MAP3K5: variants seen among roughly 807,000 people sequenced by gnomAD.
MAP3K5 encodes the protein mitogen-activated protein kinase kinase kinase 5.
A neutral mutation model predicts 158.7 loss-of-function variants in MAP3K5; 56 were observed. That is an observed-to-expected ratio of 0.35 (90% CI 0.28 to 0.44). The LOEUF (loss-of-function observed/expected upper bound fraction) is 0.44, where lower values mean the gene tolerates loss of function less well. Among genes scored for constraint, MAP3K5 ranks in the 20% least tolerant of loss-of-function variants. The pLI is 1.00. For missense variants in MAP3K5, 1,294 were observed against 1,674.8 expected, an observed-to-expected ratio of 0.77 and a Z score of 3.97; for synonymous variants, 579 against 601.7, an observed-to-expected ratio of 0.96 and a Z score of 0.55.
At chr6:136,704,983 C>A in intron 3 of MAP3K5, 127 bp downstream of exon 3, 1 of 529,816 alleles carries the variant, frequency 1.9e-6, no homozygotes, top group South Asian at 2.3e-5. Context: ...ATTGATACAT[C>A]AGAAAATCTA....
Position 136,701,843 on chromosome 6 carries a change from T to C in MAP3K5, c.613-3161A>G, listed in dbSNP as rs1360022473. The stretch of plus-strand genomic sequence containing the variant: ...AAAGTGGTATCAGAGTTTTAGCTGC[T>C]GGATAAAATTATGTAGCCTCAGAAA... On this transcript the variant is annotated intron_variant, in intron 3 of 29. Coordinates refer to ENST00000359015, the MANE Select transcript of MAP3K5 (RefSeq NM_005923.4). 2.6e-5 allele frequency among the ~76,000 whole-genome samples: 4 copies of C among 152,238 alleles called. No homozygotes were observed. In the East Asian group the frequency reaches 7.7e-4, roughly 29 times the overall value.
At chr6:136,703,021 T>C (rs1436937261) in intron 3 of MAP3K5, among the ~76,000 whole-genome samples, 3 of 152,124 alleles carry the variant, frequency 2.0e-5, no homozygotes, top group Non-Finnish European at 4.4e-5. Context: ...CACCGTTTTT[T>C]CTTTCTTTTT....
intron 7 of MAP3K5, among the ~76,000 whole-genome samples, chr6:136,684,951 C>T (rs933692475): frequency 4.6e-5 from 7 of 152,162 alleles, no homozygotes; most frequent in Non-Finnish European, 8.8e-5. Flanking sequence ...AAACCATTCA[C>T]TCTCTGTCTC....
chr6:136,757,430 T>G (rs979179501), intron 1 of MAP3K5, among the ~76,000 whole-genome samples: 1 of 152,204 alleles, frequency 6.6e-6, no homozygotes, highest in African/African-American at 2.4e-5. Context: ...ATTTATGAGC[T>G]GTCTGTCTAG....
intron 7 of MAP3K5, among the ~76,000 whole-genome samples, chr6:136,679,543 T>G (rs979042710): frequency 6.6e-6 from 1 of 152,240 alleles, no homozygotes; most frequent in African/African-American, 2.4e-5. Context: ...CCTGCTGCTG[T>G]GATCTGCTGG....
intron 10 of MAP3K5, among the ~76,000 whole-genome samples, chr6:136,653,854 C>T (rs1475256256): frequency 6.6e-6 from 1 of 152,114 alleles, no homozygotes; most frequent in Non-Finnish European, 1.5e-5. Context: ...AGAAGGACTA[C>T]AAAATTGTAC....
intron 1 of MAP3K5, among the ~76,000 whole-genome samples, chr6:136,728,213 G>A (rs906530200): frequency 3.9e-5 from 6 of 152,082 alleles, no homozygotes; most frequent in Admixed American, 6.5e-5. Flanking sequence ...GGTAGTCTGT[G>A]GGGTTTTTAA....
chr6:136,776,174 T>C (rs1203741598), intron 1 of MAP3K5, among the ~76,000 whole-genome samples: 1 of 152,264 alleles, frequency 6.6e-6, no homozygotes, highest in Non-Finnish European at 1.5e-5. Flanking sequence ...TCCAAGTGTA[T>C]ACACGATTCG....
chr6:136,561,211 T>C (rs1347029809), intron 28 of MAP3K5, among the ~76,000 whole-genome samples: 1 of 152,102 alleles, frequency 6.6e-6, no homozygotes, highest in Non-Finnish European at 1.5e-5. Flanking sequence ...TGAACATACA[T>C]ACAATTGGCC....
chr6:136,729,124 A>G (rs1321193961), intron 1 of MAP3K5, among the ~76,000 whole-genome samples: 1 of 152,200 alleles, frequency 6.6e-6, no homozygotes, highest in Non-Finnish European at 1.5e-5. Context: ...CATCCTTCGG[A>G]GGTGACCAGA....
chr6:136,700,057 G>C (rs1034970638), intron 3 of MAP3K5, among the ~76,000 whole-genome samples: 1 of 152,072 alleles, frequency 6.6e-6, no homozygotes, highest in Non-Finnish European at 1.5e-5. Flanking sequence ...CTGGGTGACA[G>C]AGCGAGACTC....
intron 14 of MAP3K5, among the ~76,000 whole-genome samples, chr6:136,632,131 G>A (rs576284187): frequency 9.8e-5 from 15 of 152,338 alleles, no homozygotes; most frequent in African/African-American, 3.4e-4. Context: ...AAGTGGAAAG[G>A]AGGCTGGCAC....
At chr6:136,694,453 T>TA in intron 6 of MAP3K5, 143 bp from the exon 7 acceptor site, 1 of 661,908 alleles carries the variant, frequency 1.5e-6, no homozygotes. Context: ...GAGTCCTCTG[T>TA]AAACCTCTGT....
intron 1 of MAP3K5, among the ~76,000 whole-genome samples, chr6:136,736,283 T>C (rs1163883684): frequency 1.3e-5 from 2 of 152,224 alleles, no homozygotes; most frequent in African/African-American, 4.8e-5. Context: ...AAAGAGGCCA[T>C]ACCCTTTCTT....
At chr6:136,783,883 T>C (rs187716539) in intron 1 of MAP3K5, among the ~76,000 whole-genome samples, 147 of 110,570 alleles carry the variant, frequency 1.3e-3, no homozygotes, top group Non-Finnish European at 2.8e-3. Context: ...GACTTGCACA[T>C]TTCCCGGACT....
At chr6:136,652,628 G>A (rs540545575) in intron 10 of MAP3K5, among the ~76,000 whole-genome samples, 31 of 152,158 alleles carry the variant, frequency 2.0e-4, no homozygotes, top group Non-Finnish European at 4.1e-4. Context: ...TGACAAGTGA[G>A]AATATACTCC....
intron 7 of MAP3K5, among the ~76,000 whole-genome samples, chr6:136,678,576 C>T (rs1006590491): frequency 6.6e-6 from 1 of 151,960 alleles, no homozygotes; most frequent in African/African-American, 2.4e-5. Flanking sequence ...TTGGGTAAGA[C>T]TTTAAGAAGG....
chr6:136,588,852 A>G lies in MAP3K5; in HGVS notation c.3225+3321T>C, dbSNP rs1035832591. On this transcript the variant is annotated intron_variant, in intron 23 of 29. Coordinates refer to ENST00000359015, the MANE Select transcript of MAP3K5 (RefSeq NM_005923.4). ...CTCATCCTCCCTGGACTCAGAGGCCAGCTACCCCTCACTCTAGAGCACCTT... is the reference window on the plus strand; with the variant it reads ...CTCATCCTCCCTGGACTCAGAGGCCGGCTACCCCTCACTCTAGAGCACCTT... Among the ~76,000 whole-genome samples, 31 of 152,216 alleles carry G rather than the reference A, an allele frequency of 2.0e-4. 1 individual carries two copies. Among genetic ancestry groups the G allele is most frequent in the Admixed American group, 1.7e-3 (26 of 15,292 alleles).
At chr6:136,665,494 A>G (rs1779188548) in intron 8 of MAP3K5, among the ~76,000 whole-genome samples, 1 of 151,912 alleles carries the variant, frequency 6.6e-6, no homozygotes, top group Admixed American at 6.6e-5. Flanking sequence ...TTACAGAAGC[A>G]TGCCACCACA....
Sources: allele counts gnomAD v4.1 joint callset (sites outside exome capture counted in the v4.1 genomes callset), GRCh38; gene constraint gnomAD v4.1.1; transcripts MANE v1.5; gene names NCBI Gene and HGNC (gene_info 2026-07-23, HGNC 2026-07-21).